PCYT1A: variants seen among roughly 807,000 people sequenced by gnomAD.
PCYT1A encodes the protein phosphate cytidylyltransferase 1A, choline, also known as choline-phosphate cytidylyltransferase A.
A neutral mutation model predicts 43.7 loss-of-function variants in PCYT1A; 25 were observed. The observed-to-expected ratio is 0.57, with a 90% CI of 0.42 to 0.80. The LOEUF (loss-of-function observed/expected upper bound fraction) is 0.80. Among genes scored for constraint, PCYT1A ranks in the 30% least tolerant of loss-of-function variants. The pLI is 0.00. For missense variants in PCYT1A, 421 were observed against 474.2 expected (o/e 0.89, Z 1.04); for synonymous variants, 172 against 170.7 (o/e 1.01, Z -0.06).
At position 196,242,434 on chromosome 3, in the gene PCYT1A, C is replaced by T; in HGVS notation, c.565+128G>A. The T allele has an allele frequency of 1.3e-6, 1 of 759,752 alleles. No homozygotes were observed. The highest frequency in any genetic ancestry group is 1.4e-5 in the South Asian group (1 of 70,288). The allele number at this position is 759,752 out of a possible 1,614,324, so 47.1% of individuals were successfully genotyped here. On this transcript the variant is annotated intron_variant, in intron 6 of 8. Transcript: ENST00000431016. This position sits in a 1 kb window ranked among gnomAD's most constrained non-coding sequence, Gnocchi z 4.2. ...TGCTATGCTCATCTTTACCTTTTAT[C>T]CAAAATGTGGCCTGAAAGAGGATGT... is the stretch of plus-strand genomic sequence containing the variant.
chr3:196,276,099 A>C (rs940032438), intron 1 of PCYT1A, among the ~76,000 whole-genome samples: 2 of 149,288 alleles, frequency 1.3e-5, no homozygotes, highest in South Asian at 4.2e-4. Context: ...TCCGTCTCCA[A>C]AAAAAAAAAA....
At position 196,277,850 on chromosome 3, in the gene PCYT1A, G is replaced by T. The variant is rs1312651612; in HGVS notation, c.-10-7309C>A. Among the ~76,000 whole-genome samples, 1 of 152,214 alleles carries T rather than the reference G, an allele frequency of 6.6e-6. No individual in the cohort carries two copies. Among genetic ancestry groups the T allele is most frequent in the Non-Finnish European group, 1.5e-5 (1 of 68,042 alleles). On this transcript the variant is annotated intron_variant, in intron 1 of 8. Transcript: ENST00000431016. This position sits in a 1 kb window ranked among gnomAD's most constrained non-coding sequence, Gnocchi z 4.1. Reference sequence around the variant, plus strand: ...CGCACGCCACTGCGCTCCAGCCTGGGCGACAGAGCGAGACTTTGTCTCAAA... The same window carrying T: ...CGCACGCCACTGCGCTCCAGCCTGGTCGACAGAGCGAGACTTTGTCTCAAA...
intron 2 of PCYT1A, among the ~76,000 whole-genome samples, chr3:196,270,035 G>A (rs1055902070): frequency 1.2e-4 from 18 of 152,086 alleles, no homozygotes; most frequent in African/African-American, 3.4e-4. Flanking sequence ...CACCACGCCC[G>A]GCTAATTTTG....
intron 3 of PCYT1A, among the ~76,000 whole-genome samples, chr3:196,256,215 G>A (rs72611189): frequency 0.24 from 35,765 of 152,182 alleles, 5,844 homozygotes; most frequent in East Asian, 0.76. Flanking sequence ...GGCATTGGCC[G>A]GCGCGGTGGC....
chr3:196,283,198 G>A (rs1725816712), intron 1 of PCYT1A, among the ~76,000 whole-genome samples: 1 of 152,124 alleles, frequency 6.6e-6, no homozygotes, highest in Non-Finnish European at 1.5e-5. Flanking sequence ...TTAGCTGGGC[G>A]TGGTGGCGGG....
At chr3:196,241,386 A>G in intron 7 of PCYT1A, 1 of 441,606 alleles carries the variant, frequency 2.3e-6, no homozygotes, top group Non-Finnish European at 4.0e-6. Flanking sequence ...GGGTCTCGCT[A>G]TGTTGCCCCC....
At chr3:196,244,256 C>A (rs1224982086) in intron 5 of PCYT1A, among the ~76,000 whole-genome samples, 3 of 147,252 alleles carry the variant, frequency 2.0e-5, no homozygotes, top group Non-Finnish European at 4.5e-5. Flanking sequence ...AGCGTCTCTG[C>A]CTGGCCGCCC....
chr3:196,248,319 C>T lies in PCYT1A; in HGVS notation c.222G>A (p.Glu74=). 1 of 1,582,588 alleles carries T rather than the reference C, an allele frequency of 6.3e-7. No homozygotes were observed. The highest frequency in any genetic ancestry group is 8.7e-7 in the Non-Finnish European group (1 of 1,151,672). ...MEEASRGTPC[E]RPVRVYADGI... ...CATCGGCATAAACTCTCACAGGTCG[C>T]TCACCTAAATCCAAATGAAAGAATT... The change falls in exon 4 of 9, where the codon GAG becomes GAA. Residue 74 remains glutamate (E), a synonymous_variant. Coordinates refer to ENST00000431016, the MANE Select transcript of PCYT1A (RefSeq NM_001312673.2).
Position 196,241,934 on chromosome 3 carries a change from A to C in PCYT1A, c.708+14T>G, listed in dbSNP as rs1724370979. 1 of 1,614,126 alleles carries C rather than the reference A, an allele frequency of 6.2e-7. No individual in the cohort carries two copies. Among genetic ancestry groups the C allele is most frequent in the African/African-American group, 1.3e-5 (1 of 75,056 alleles). On this transcript the variant is annotated intron_variant, in intron 7 of 8. Coordinates refer to ENST00000431016, the MANE Select transcript of PCYT1A (RefSeq NM_001312673.2). Reference sequence around the variant, plus strand: ...TACAGAGTCAGGGAACTCTGGGGTAAGGCTGGAACTCACGTTGATAAAGCT... The same window carrying C: ...TACAGAGTCAGGGAACTCTGGGGTACGGCTGGAACTCACGTTGATAAAGCT...
At chr3:196,286,504 C>A (rs1725917861) in intron 1 of PCYT1A, among the ~76,000 whole-genome samples, 1 of 152,340 alleles carries the variant, frequency 6.6e-6, no homozygotes, top group African/African-American at 2.4e-5. Flanking sequence ...TGTACAAAAT[C>A]TATTTTACAT....
At chr3:196,265,890 C>G (rs933660284) in intron 2 of PCYT1A, among the ~76,000 whole-genome samples, 43 of 152,002 alleles carry the variant, frequency 2.8e-4, no homozygotes, top group African/African-American at 9.9e-4. Flanking sequence ...AGGCGCCCAC[C>G]ACTGCGCCCA....
intron 5 of PCYT1A, among the ~76,000 whole-genome samples, chr3:196,244,334 C>T (rs1385832676): frequency 1.3e-5 from 2 of 149,794 alleles, no homozygotes; most frequent in Non-Finnish European, 3.0e-5. Context: ...CGCCTCCTCC[C>T]CGCCGCCATC....
intron 2 of PCYT1A, among the ~76,000 whole-genome samples, chr3:196,265,392 G>A (rs753137493): frequency 1.3e-5 from 2 of 152,020 alleles, no homozygotes; most frequent in African/African-American, 4.8e-5. Context: ...TAAGCTAAAC[G>A]TCTTATGTTT....
rs192612606 is a variant in PCYT1A, at chr3:196,247,084, C to G, written c.486+283G>C. On this transcript the variant is annotated intron_variant, in intron 5 of 8. Transcript: ENST00000431016. The surrounding 1 kb of genome is among the most constrained non-coding windows in gnomAD (Gnocchi z 4.8). ...GGAGCAGGTTATTTGGTTTCTCTAG[C>G]CCTTGTTACTCATATGTAAAGCGGA... Among the ~76,000 whole-genome samples, 1 of 152,332 alleles carries G rather than the reference C, an allele frequency of 6.6e-6. No individual in the cohort carries two copies. The highest frequency in any genetic ancestry group is 1.9e-4 in the East Asian group (1 of 5,190).
At chr3:196,270,599 C>A in intron 1 of PCYT1A, 58 bp from the exon 2 acceptor site, 3 of 1,108,798 alleles carry the variant, frequency 2.7e-6, no homozygotes, top group Non-Finnish European at 4.2e-6. Flanking sequence ...AAGTTTGTCA[C>A]CAGTATTTCA....
At chr3:196,253,981 A>G (rs2108770017) in intron 3 of PCYT1A, among the ~76,000 whole-genome samples, 1 of 149,506 alleles carries the variant, frequency 6.7e-6, no homozygotes, top group East Asian at 1.9e-4. Context: ...TATCATTTAT[A>G]TATTATGCAT....
intron 1 of PCYT1A, among the ~76,000 whole-genome samples, chr3:196,286,994 T>C (rs1190853740): frequency 6.6e-6 from 1 of 152,234 alleles, no homozygotes; most frequent in Non-Finnish European, 1.5e-5. Flanking sequence ...ACCCATAGTG[T>C]GGGAGGCATT....
chr3:196,265,902 C>G (rs1478983507), intron 2 of PCYT1A, among the ~76,000 whole-genome samples: 1 of 151,794 alleles, frequency 6.6e-6, no homozygotes, highest in African/African-American at 2.4e-5. Flanking sequence ...CTGCGCCCAG[C>G]TAATTTTTGT....
At chr3:196,241,907 C>T in intron 7 of PCYT1A, 41 bp downstream of exon 7, 1 of 1,611,164 alleles carries the variant, frequency 6.2e-7, no homozygotes, top group Non-Finnish European at 8.5e-7. Flanking sequence ...TGATATGTCT[C>T]CTACAGAGTC....
Sources: gnomAD v4.1 joint callset for allele counts (sites outside exome capture counted in the v4.1 genomes callset) on GRCh38, gnomAD v4.1.1 for gene constraint, Gnocchi (gnomAD v3.1) non-coding constraint, MANE v1.5 for transcripts, NCBI Gene and HGNC (gene_info 2026-07-23, HGNC 2026-07-21) for gene names.